RESF1: variants seen among roughly 807,000 people sequenced by gnomAD.
The protein encoded by RESF1 is gonad expressed transcript.
A neutral mutation model predicts 134.7 loss-of-function variants in RESF1; 65 were observed. The ratio of observed to expected loss-of-function variants is 0.48; its 90% CI spans 0.40 to 0.59. The LOEUF is 0.59. Ranked by LOEUF, RESF1 falls within the 20% of genes least tolerant of loss-of-function variation. The probability of loss-of-function intolerance (pLI) is 0.00; values close to 1 mark genes in which losing one functional copy is unlikely to be tolerated. For synonymous variants in RESF1, 762 were observed against 702.2 expected (o/e 1.09, Z -1.35); for missense variants, 2,274 against 2,002.7 (o/e 1.14, Z -2.59).
intron 3 of RESF1, among the ~76,000 whole-genome samples, chr12:31,975,814 G>A (rs915805364): frequency 6.6e-6 from 1 of 152,018 alleles, no homozygotes; most frequent in Non-Finnish European, 1.5e-5. Context: ...TTTTATTTTT[G>A]TTACTATAGT....
chr12:31,973,268 A>C (rs554288560), intron 3 of RESF1, among the ~76,000 whole-genome samples: 1 of 152,226 alleles, frequency 6.6e-6, no homozygotes, highest in African/African-American at 2.4e-5. Context: ...ACCCTTGAAC[A>C]ATGTGAGTTT....
chr12:31,978,849 GT>G (rs1939700166), intron 3 of RESF1, among the ~76,000 whole-genome samples: 2 of 150,776 alleles, frequency 1.3e-5, no homozygotes, highest in South Asian at 4.2e-4. Context: ...GATTACAGGT[GT>G]GAGGCACTGT....
At chr12:31,977,661 A>G (rs748557672) in intron 3 of RESF1, among the ~76,000 whole-genome samples, 3 of 152,144 alleles carry the variant, frequency 2.0e-5, no homozygotes, top group Non-Finnish European at 2.9e-5. Context: ...ACAAGTGTCT[A>G]TATATAAAAG....
At chr12:31,988,455 A>G (rs1175851002) in intron 5 of RESF1, among the ~76,000 whole-genome samples, 2 of 152,220 alleles carry the variant, frequency 1.3e-5, no homozygotes, top group Non-Finnish European at 2.9e-5. Context: ...TATTTAAGGT[A>G]TGTGTGGGGG....
rs190222249 is a variant in RESF1, at chr12:31,992,628, A to C, written c.*93A>C. ...GAAACTAATGAGAAATGCCATGATA[A>C]AGATTTCTCAGAGTTTGGTTCCCAC... On this transcript the variant is annotated 3_prime_UTR_variant, in exon 6 of 6. Coordinates refer to ENST00000312561, the MANE Select transcript of RESF1 (RefSeq NM_018169.4). 1,037 of 1,254,652 alleles carry C rather than the reference A, an allele frequency of 8.3e-4. 3 individuals carry two copies. Among genetic ancestry groups the C allele is most frequent in the Middle Eastern group, 7.6e-4 (4 of 5,264 alleles). The allele number at this position is 1,254,652 out of a possible 1,614,324, so 77.7% of individuals were successfully genotyped here.
chr12:31,984,890 C>T lies in RESF1; in HGVS notation c.3935C>T (p.Ala1312Val), dbSNP rs573331766. Residue 1312 changes from alanine (A) to valine (V), a missense_variant, in exon 4 of 6, where the codon GCA becomes GTA. Coordinates refer to ENST00000312561, the MANE Select transcript of RESF1 (RefSeq NM_018169.4). ...TTTCACTCCAGTAATAAAATGACAG[C>T]ATCTTATGAACAAGCTTCTCAGGAA... is the stretch of plus-strand genomic sequence containing the variant. ...VTFHSSNKMT[A>V]SYEQASQETR... 6.2e-7 allele frequency: 1 copy of T among 1,609,572 alleles called. No homozygotes were observed. The highest frequency in any genetic ancestry group is 1.1e-5 in the South Asian group (1 of 89,554).
chr12:31,968,740 G>A (rs147214737), intron 2 of RESF1, among the ~76,000 whole-genome samples: 3,353 of 152,282 alleles, frequency 0.022, 134 homozygotes, highest in African/African-American at 0.076. Flanking sequence ...GAGCCACCGC[G>A]CCCGGCCTAG....
chr12:31,977,809 T>TTC (rs1565841945), intron 3 of RESF1, among the ~76,000 whole-genome samples: 1 of 145,412 alleles, frequency 6.9e-6, no homozygotes, highest in East Asian at 2.0e-4. Context: ...TTCTTTTTTT[T>TTC]TTTTTTTTTT....
In RESF1 at chr12:31,982,531, A is replaced by C; in HGVS notation, c.1576A>C (p.Thr526Pro). The change falls in exon 4 of 6, where the codon ACT becomes CCT. Residue 526 changes from threonine (T) to proline (P), a missense_variant. Physicochemically the swap from Thr to Pro is conservative, Grantham distance 38. Transcript: ENST00000312561. Reference sequence around the variant, plus strand: ...CTCATCTCATGATGTGAAAGTTCTCACTTCAAAGACATCAGCTGTTGAGAT... The same window carrying C: ...CTCATCTCATGATGTGAAAGTTCTCCCTTCAAAGACATCAGCTGTTGAGAT... The part of the protein sequence containing the change: ...PDSSHDVKVL[T>P]SKTSAVEMTQ... 6.2e-7 allele frequency: 1 copy of C among 1,613,764 alleles called. No homozygotes were observed.
chr12:31,978,314 T>G lies in RESF1; in HGVS notation c.-78-2564T>G, dbSNP rs185157326. 7.2e-4 allele frequency among the ~76,000 whole-genome samples: 110 copies of G among 152,320 alleles called. 1 individual carries two copies. Among genetic ancestry groups the G allele is most frequent in the African/African-American group, 2.5e-3 (103 of 41,580 alleles). On this transcript the variant is annotated intron_variant, in intron 3 of 5. Coordinates refer to ENST00000312561, the MANE Select transcript of RESF1 (RefSeq NM_018169.4). ...ATAAACAGTAAAACAAAAAGATCTC[T>G]ACATAGTTTTGGATTTTCTGTATAA...
At chr12:31,978,920 GA>G (rs1230316131) in intron 3 of RESF1, among the ~76,000 whole-genome samples, 6 of 119,000 alleles carry the variant, frequency 5.0e-5, no homozygotes, top group Admixed American at 2.7e-4. Flanking sequence ...ATGATCTCAT[GA>G]TTTTTTTTTT....
intron 3 of RESF1, among the ~76,000 whole-genome samples, chr12:31,974,645 C>T (rs1358086235): frequency 6.6e-6 from 1 of 152,066 alleles, no homozygotes. Context: ...GCCCTATCTC[C>T]AAATACACTG....
chr12:31,984,530 C>T lies in RESF1; in HGVS notation c.3575C>T (p.Ser1192Phe), dbSNP rs374177436. The part of the protein sequence containing the change: ...YEGVPQCQCN[S>F]IKNSSSEEEK... ...GGAGTACCCCAGTGTCAGTGTAATTCCATCAAGAACTCATCTTCAGAGGAA... is the reference window on the plus strand; with the variant it reads ...GGAGTACCCCAGTGTCAGTGTAATTTCATCAAGAACTCATCTTCAGAGGAA... The change falls in exon 4 of 6, where the codon TCC (serine) becomes TTC (phenylalanine). Residue 1192 changes from serine to phenylalanine, a missense_variant. Coordinates refer to ENST00000312561, the MANE Select transcript of RESF1 (RefSeq NM_018169.4). The T allele has an allele frequency of 2.5e-5, 40 of 1,594,726 alleles. No homozygotes were observed. The highest frequency in any genetic ancestry group is 8.9e-5 in the Admixed American group (5 of 56,184).
chr12:31,985,528 C>T lies in RESF1; in HGVS notation c.4573C>T (p.Gln1525Ter), dbSNP rs762378227. Residue 1525 changes from glutamine to a stop codon, truncating the protein, a stop_gained, in exon 4 of 6, where the codon CAG (glutamine) becomes TAG (stop). Coordinates refer to ENST00000312561, the MANE Select transcript of RESF1 (RefSeq NM_018169.4). LOFTEE classifies it high-confidence loss of function. ...HGKNLKIHHS[Q>*]ESKTYNILRN... ...TAAAAACCTCAAAATCCACCATTCT[C>T]AGGAGTCTAAAACATACAACATTCT... 6.2e-7 allele frequency: 1 copy of T among 1,601,036 alleles called. No homozygotes were observed. The highest frequency in any genetic ancestry group is 2.2e-5 in the East Asian group (1 of 44,832).
At position 31,984,150 on chromosome 12, in the gene RESF1, C is replaced by T. The variant is rs199612747; in HGVS notation, c.3195C>T (p.Gly1065=). The T allele has an allele frequency of 5.3e-5, 85 of 1,612,554 alleles. No individual in the cohort carries two copies. The highest frequency in any genetic ancestry group is 3.3e-4 in the Middle Eastern group (2 of 6,068). The change falls in exon 4 of 6, where the codon GGC becomes GGT. Residue 1065 remains glycine (G), a synonymous_variant. Transcript: ENST00000312561. ...LSELLKEFPY[G]IEAVNTREGS... ...AACTTCTAAAAGAGTTTCCTTATGG[C>T]ATTGAGGCTGTGAATACACGTGAAG...
At chr12:31,963,118 C>T (rs1939317652) in intron 2 of RESF1, among the ~76,000 whole-genome samples, 1 of 152,134 alleles carries the variant, frequency 6.6e-6, no homozygotes, top group Admixed American at 6.5e-5. Flanking sequence ...GTAATCCCAG[C>T]ACTTTGGGAG....
intron 3 of RESF1, among the ~76,000 whole-genome samples, chr12:31,973,783 A>G (rs571350448): frequency 6.6e-6 from 1 of 152,268 alleles, no homozygotes; most frequent in South Asian, 2.1e-4. Context: ...AAACTTCTTC[A>G]CACAACTGAC....
Position 31,968,149 on chromosome 12 carries a change from T to G in RESF1, c.-246-2040T>G, listed in dbSNP as rs980224165. Among the ~76,000 whole-genome samples the G allele has an allele frequency of 2.0e-5, 3 of 152,220 alleles. No homozygotes were observed. In the East Asian group the frequency reaches 5.8e-4, roughly 29 times the overall value. ...TCAGGTTTTCAATGAAAAATAGACT[T>G]TACTCAGTTTAACCATATCAGTGGA... On this transcript the variant is annotated intron_variant, in intron 2 of 5. Transcript: ENST00000312561.
At chr12:31,980,832 A>G (rs1939764465) in intron 3 of RESF1, 46 bp from the exon 4 acceptor site, 1 of 722,450 alleles carries the variant, frequency 1.4e-6, no homozygotes, top group African/African-American at 1.8e-5. Context: ...TAGATATTCT[A>G]TCTAGGCAAA....
Sources: gnomAD v4.1 joint callset for allele counts (sites outside exome capture counted in the v4.1 genomes callset) on GRCh38, gnomAD v4.1.1 for gene constraint, MANE v1.5 for transcripts, NCBI Gene and HGNC (gene_info 2026-07-23, HGNC 2026-07-21) for gene names.